The following PSMA5 variants were observed in gnomAD, a reference collection of about 807,000 sequenced individuals.
The protein encoded by PSMA5 is proteasome 20S subunit alpha 5.
Under a neutral mutation model 34.5 loss-of-function variants are expected in PSMA5, and 3 were observed. That is an observed-to-expected ratio of 0.09 (90% CI 0.04 to 0.22). PSMA5 has a LOEUF of 0.22. PSMA5 is among the 10% of genes least tolerant of loss of function. The pLI, the probability that PSMA5 is intolerant of heterozygous loss-of-function variation, is 1.00. For missense variants in PSMA5, 120 were observed against 286.1 expected, an observed-to-expected ratio of 0.42 and a Z score of 4.19; for synonymous variants, 88 against 95.8, an observed-to-expected ratio of 0.92 and a Z score of 0.47.
rs538220971 is a variant in PSMA5 at position 109,426,414 on chromosome 1, A to G, written c.-84T>C. 7 of 1,543,414 alleles carry G rather than the reference A, an allele frequency of 4.5e-6. No individual in the cohort carries two copies. Among genetic ancestry groups the G allele is most frequent in the Non-Finnish European group, 5.4e-6 (6 of 1,116,108 alleles). On this transcript the variant is annotated 5_prime_UTR_variant, in exon 1 of 9. Coordinates refer to ENST00000271308, the MANE Select transcript of PSMA5 (RefSeq NM_002790.4). ...CCGGCACCCAACTCACCGGCAGCCA[A>G]CTCACCCACACGGCCGCAGTACTAA...
intron 1 of PSMA5, among the ~76,000 whole-genome samples, chr1:109,425,090 T>C (rs1654600930): frequency 6.6e-6 from 1 of 152,194 alleles, no homozygotes; most frequent in Non-Finnish European, 1.5e-5. Context: ...GAGTCTCCTA[T>C]ATGCGAGCAA....
rs772781798 is a variant in PSMA5, at chr1:109,412,143, A to G, written c.333T>C (p.Ser111=). ...FTYNETMTVE[S]VTQAVSNLAL... ...CCAGATTGGACACAGCTTGGGTCACACTCTCCACTGTCATTGTCTCATTGT... is the reference window on the plus strand; with the variant it reads ...CCAGATTGGACACAGCTTGGGTCACGCTCTCCACTGTCATTGTCTCATTGT... Residue 111 remains serine (S), a synonymous_variant, in exon 5 of 9, where the codon AGT becomes AGC. Coordinates refer to ENST00000271308, the MANE Select transcript of PSMA5 (RefSeq NM_002790.4). 3.7e-6 allele frequency: 6 copies of G among 1,613,898 alleles called. No homozygotes were observed. The Admixed American group carries it at 1.0e-4, about 27-fold the overall frequency.
chr1:109,424,323 A>T (rs2100977126), intron 1 of PSMA5, among the ~76,000 whole-genome samples: 1 of 151,902 alleles, frequency 6.6e-6, no homozygotes, highest in South Asian at 2.1e-4. Context: ...AGACAAGGTC[A>T]GCGCCACCAC....
At position 109,426,442 on chromosome 1, in the gene PSMA5, A is replaced by C. The variant is rs992545450; in HGVS notation, c.-112T>G. On this transcript the variant is annotated 5_prime_UTR_variant, in exon 1 of 9. Transcript: ENST00000271308. Reference sequence around the variant, plus strand: ...CACCCACACGGCCGCAGTACTAAGGACCAACTGCGCGTGCGACCGCGACCT... The same window carrying C: ...CACCCACACGGCCGCAGTACTAAGGCCCAACTGCGCGTGCGACCGCGACCT... 4.4e-6 allele frequency: 6 copies of C among 1,374,470 alleles called. No individual in the cohort carries two copies. The highest frequency in any genetic ancestry group is 6.2e-6 in the Non-Finnish European group (6 of 963,246). The allele number at this position is 1,374,470 out of a possible 1,614,324, so 85.1% of individuals were successfully genotyped here.
At chr1:109,410,143 C>G in intron 7 of PSMA5, 129 bp from the exon 8 acceptor site, 1 of 641,086 alleles carries the variant, frequency 1.6e-6, no homozygotes, top group Non-Finnish European at 2.8e-6. Context: ...TAGTATGGTG[C>G]ATTACAAGTA....
At chr1:109,410,202 GA>G (rs1389023020) in intron 7 of PSMA5, among the ~76,000 whole-genome samples, 188 bp from the exon 8 acceptor site, 6 of 151,352 alleles carry the variant, frequency 4.0e-5, no homozygotes, top group Non-Finnish European at 7.4e-5. Context: ...ATTTTTTCAG[GA>G]AAAAAAACCC....
chr1:109,424,002 C>G (rs1397181287), intron 1 of PSMA5, among the ~76,000 whole-genome samples: 1 of 152,216 alleles, frequency 6.6e-6, no homozygotes, highest in African/African-American at 2.4e-5. Flanking sequence ...TGTTCCCATA[C>G]ACGTATCATA....
intron 2 of PSMA5, among the ~76,000 whole-genome samples, chr1:109,417,482 C>T (rs1034484712): frequency 6.6e-6 from 1 of 152,336 alleles, no homozygotes; most frequent in Middle Eastern, 3.4e-3. Flanking sequence ...CCCGGATCCC[C>T]TCCCCTATGC....
chr1:109,417,061 C>T (rs1054755187), intron 2 of PSMA5, among the ~76,000 whole-genome samples: 5 of 152,134 alleles, frequency 3.3e-5, no homozygotes, highest in Non-Finnish European at 5.9e-5. Context: ...GCCAAGATCA[C>T]GCCATTGCAT....
intron 2 of PSMA5, among the ~76,000 whole-genome samples, chr1:109,419,972 CAAA>C (rs1159333248): frequency 1.9e-4 from 12 of 61,996 alleles, no homozygotes; most frequent in Admixed American, 1.9e-4. Flanking sequence ...GACTCTGTCT[CAAA>C]AAAAAAAAAA....
intron 3 of PSMA5, 74 bp downstream of exon 3, chr1:109,415,162 AC>A: frequency 6.8e-7 from 1 of 1,475,240 alleles, no homozygotes; most frequent in Non-Finnish European, 9.1e-7. Flanking sequence ...CATTTCATAA[AC>A]CTTCCTTGGA....
At chr1:109,422,275 C>T (rs1440318196) in intron 1 of PSMA5, among the ~76,000 whole-genome samples, 1 of 152,102 alleles carries the variant, frequency 6.6e-6, no homozygotes, top group African/African-American at 2.4e-5. Context: ...AGCCAATTTC[C>T]AAGAAAATGT....
intron 2 of PSMA5, among the ~76,000 whole-genome samples, chr1:109,420,349 T>C (rs1230156144): frequency 6.6e-6 from 1 of 152,080 alleles, no homozygotes; most frequent in Non-Finnish European, 1.5e-5. Flanking sequence ...TCTTTCATAA[T>C]GAAAAGTCCA....
Position 109,401,692 on chromosome 1 carries a change from G to C in PSMA5, c.*321C>G, listed in dbSNP as rs1414780176. The C allele has an allele frequency of 5.2e-6, 1 of 191,404 alleles. No homozygotes were observed. Among genetic ancestry groups the C allele is most frequent in the East Asian group, 1.2e-4 (1 of 8,058 alleles). 11.9% of individuals were successfully genotyped at this position (191,404 alleles called of 1,614,324 possible). On this transcript the variant is annotated 3_prime_UTR_variant, in exon 9 of 9. Coordinates refer to ENST00000271308, the MANE Select transcript of PSMA5 (RefSeq NM_002790.4). ...GACTGTATTACAATGGCTGGGCACA[G>C]TGGCTCTCGCCTATAATCCTAGCAC...
Position 109,400,118 on chromosome 1 carries a change from G to A in PSMA5, c.*1895C>T, listed in dbSNP as rs1180791981. The A allele has an allele frequency of 2.0e-5, 3 of 152,100 alleles. 1 individual carries two copies. The highest frequency in any genetic ancestry group is 4.4e-5 in the Non-Finnish European group (3 of 68,028). The allele number at this position is 152,100 out of a possible 1,614,324, so 9.4% of individuals were successfully genotyped here. A position where few individuals can be genotyped will look rare whatever the true frequency, so the allele number is the denominator to read the frequency against. On this transcript the variant is annotated 3_prime_UTR_variant, in exon 9 of 9. Coordinates refer to ENST00000271308, the MANE Select transcript of PSMA5 (RefSeq NM_002790.4). ...AGGTACGAAATTTACTGTTTTACCA[G>A]GTAAAACACAAATATGCTGCCCAGC... is the stretch of plus-strand genomic sequence containing the variant.
Position 109,412,171 on chromosome 1 carries a change from G to A in PSMA5, c.305C>T (p.Thr102Ile), listed in dbSNP as rs1654016760. The part of the protein sequence containing the change: ...ARVETQNHWF[T>I]YNETMTVESV... ...CTCCACTGTCATTGTCTCATTGTAG[G>A]TGAACCAGTGGTTCTAGAAGAAGAG... The change falls in exon 5 of 9, where the codon ACC becomes ATC. Residue 102 changes from threonine (T) to isoleucine (I), a missense_variant. Physicochemically the swap from Thr to Ile is moderately conservative, Grantham distance 89. Transcript: ENST00000271308. 1 of 1,613,778 alleles carries A rather than the reference G, an allele frequency of 6.2e-7. No homozygotes were observed. The highest frequency in any genetic ancestry group is 1.1e-5 in the South Asian group (1 of 91,072).
intron 5 of PSMA5, 62 bp downstream of exon 5, chr1:109,412,015 C>T (rs530871157): frequency 6.3e-7 from 1 of 1,577,334 alleles, no homozygotes; most frequent in Non-Finnish European, 8.7e-7. Flanking sequence ...GTTATGTTCA[C>T]AGGACAAATG....
rs1240726692 is a variant in PSMA5, at chr1:109,413,099, G to A, written c.260C>T (p.Thr87Ile). Residue 87 changes from threonine to isoleucine, a missense_variant, in exon 4 of 9, where the codon ACT (threonine) becomes ATT (isoleucine). Physicochemically the swap from Thr to Ile is moderately conservative, Grantham distance 89 (BLOSUM62 -1). Coordinates refer to ENST00000271308, the MANE Select transcript of PSMA5 (RefSeq NM_002790.4). ...CTCCACTCTGGCTTTATCAATTAAA[G>A]TCTTAGCATCAGCAATTAGCCCACT... ...AMSGLIADAK[T>I]LIDKARVETQ... 2 of 1,613,518 alleles carry A rather than the reference G, an allele frequency of 1.2e-6. No homozygotes were observed. Among genetic ancestry groups the A allele is most frequent in the African/African-American group, 2.7e-5 (2 of 74,992 alleles).
chr1:109,415,742 G>A (rs1654168906), intron 2 of PSMA5, among the ~76,000 whole-genome samples: 1 of 152,166 alleles, frequency 6.6e-6, no homozygotes, highest in African/African-American at 2.4e-5. Context: ...GGATTCAAAA[G>A]TTCTAAACAT....
Sources: allele counts gnomAD v4.1 joint callset (sites outside exome capture counted in the v4.1 genomes callset), GRCh38; gene constraint gnomAD v4.1.1; transcripts MANE v1.5; gene names NCBI Gene and HGNC (gene_info 2026-07-23, HGNC 2026-07-21).